Variants in SLC4A4 observed in about 807,000 individuals in gnomAD.
SLC4A4 encodes the protein electrogenic sodium bicarbonate cotransporter 1.
In SLC4A4, 27 loss-of-function variants were observed where a neutral mutation model predicts 111.5. The observed-to-expected ratio is 0.24, with a 90% confidence interval of 0.18 to 0.33. SLC4A4 has a LOEUF of 0.33. Among genes scored for constraint, SLC4A4 ranks in the 10% least tolerant of loss-of-function variants. The probability of loss-of-function intolerance (pLI) is 1.00; values close to 1 mark genes in which losing one functional copy is unlikely to be tolerated. For missense variants in SLC4A4, 909 were observed against 1,315.5 expected (o/e 0.69, Z 4.78); for synonymous variants, 443 against 463.4 (o/e 0.96, Z 0.57).
intron 2 of SLC4A4, among the ~76,000 whole-genome samples, chr4:71,111,454 G>A (rs148991475): frequency 3.3e-4 from 50 of 149,260 alleles, no homozygotes; most frequent in African/African-American, 1.2e-3. Context: ...CTCTGCCTCC[G>A]GGGTTCAAGT....
rs571176538 is a variant in SLC4A4, at chr4:71,155,551, C to T, written c.-2+62759C>T. ...CATTATAGCTCACTGCAGCCTTGAA[C>T]TCCTGGGTTCAAGCGCTTCTCCCCC... is the stretch of plus-strand genomic sequence containing the variant. On this transcript the variant is annotated intron_variant, in intron 2 of 26. Transcript: ENST00000649996. 6.6e-5 allele frequency among the ~76,000 whole-genome samples: 10 copies of T among 152,250 alleles called. No homozygotes were observed. In the East Asian group the frequency reaches 1.7e-3, roughly 26 times the overall value.
At chr4:71,500,048 G>A (rs948482985) in intron 16 of SLC4A4, among the ~76,000 whole-genome samples, 3 of 152,042 alleles carry the variant, frequency 2.0e-5, no homozygotes, top group Admixed American at 1.3e-4. Context: ...TCCCACCAAC[G>A]GTGTACAAGG....
At chr4:71,193,165 T>G (rs1455345135) in intron 1 of SLC4A4, among the ~76,000 whole-genome samples, 2 of 152,218 alleles carry the variant, frequency 1.3e-5, no homozygotes, top group African/African-American at 4.8e-5. Flanking sequence ...CATTCTTACG[T>G]ATGTCTTTTG....
intron 2 of SLC4A4, among the ~76,000 whole-genome samples, chr4:71,127,082 C>G (rs551774845): frequency 6.6e-6 from 1 of 152,184 alleles, no homozygotes; most frequent in Non-Finnish European, 1.5e-5. Flanking sequence ...CTTATTCAGA[C>G]CCCAAAAATG....
intron 3 of SLC4A4, among the ~76,000 whole-genome samples, chr4:71,279,464 A>G (rs1723328650): frequency 6.6e-6 from 1 of 152,184 alleles, no homozygotes; most frequent in South Asian, 2.1e-4. Flanking sequence ...GATATTATAT[A>G]TCTATGTATG....
rs189315489 is a variant in SLC4A4 at position 71,217,393 on chromosome 4, C to A, written c.-1-19183C>A. ...CAGCGTGGCCAACATGGTGAAACCC[C>A]GTTTCTACAAATACAAAATATTAGC... On this transcript the variant is annotated intron_variant, in intron 1 of 25. Transcript: ENST00000264485. 3.9e-5 allele frequency among the ~76,000 whole-genome samples: 6 copies of A among 151,918 alleles called. 1 individual carries two copies. The highest frequency in any genetic ancestry group is 1.4e-4 in the African/African-American group (6 of 41,428).
chr4:71,395,080 AAAAT>A (rs1397045041), intron 6 of SLC4A4, among the ~76,000 whole-genome samples: 3 of 152,162 alleles, frequency 2.0e-5, no homozygotes, highest in Admixed American at 6.5e-5. Flanking sequence ...AAAACAAAAT[AAAAT>A]AAAGAATTGC....
chr4:71,521,041 A>G (rs1732885226), intron 16 of SLC4A4, among the ~76,000 whole-genome samples: 1 of 152,044 alleles, frequency 6.6e-6, no homozygotes, highest in Admixed American at 6.6e-5. Context: ...TTTTAAAGTC[A>G]TATTTGGTGT....
intron 16 of SLC4A4, among the ~76,000 whole-genome samples, chr4:71,525,557 A>T (rs1733343326): frequency 6.6e-6 from 1 of 152,066 alleles, no homozygotes; most frequent in Non-Finnish European, 1.5e-5. Flanking sequence ...AGATTGTGAT[A>T]ATTTATATTC....
In SLC4A4 at chr4:71,505,405, AGG is replaced by A. The variant is rs140431985; in HGVS notation, c.2166+7714_2166+7715del. 6.1e-3 allele frequency among the ~76,000 whole-genome samples: 920 copies of A among 151,814 alleles called. 16 individuals carry two copies. The highest frequency in any genetic ancestry group is 0.021 in the African/African-American group (858 of 41,450). On this transcript the variant is annotated intron_variant, in intron 16 of 25. Coordinates refer to ENST00000264485, the MANE Select transcript of SLC4A4 (RefSeq NM_001098484.3). ...ATAGCCATTCTGACTGGTGTGAGAG[AGG>A]ATCTCATTGCAGTTTTGATTTGCAT...
chr4:71,147,955 G>C (rs1286120132), intron 2 of SLC4A4, among the ~76,000 whole-genome samples: 1 of 152,144 alleles, frequency 6.6e-6, no homozygotes, highest in Non-Finnish European at 1.5e-5. Context: ...TCCTGGGCCT[G>C]ACCAGTGAGC....
At chr4:71,178,617 C>A (rs920867859) in intron 2 of SLC4A4, among the ~76,000 whole-genome samples, 3 of 152,120 alleles carry the variant, frequency 2.0e-5, no homozygotes, top group South Asian at 2.1e-4. Flanking sequence ...GAAATGGATA[C>A]ATTCCTCAAC....
intron 1 of SLC4A4, among the ~76,000 whole-genome samples, chr4:71,193,098 C>T (rs771548158): frequency 6.6e-5 from 10 of 152,162 alleles, no homozygotes; most frequent in Non-Finnish European, 1.2e-4. Flanking sequence ...TCTTGATTTA[C>T]TAATTTTGTT....
At chr4:71,249,741 A>T (rs1028266740) in intron 2 of SLC4A4, among the ~76,000 whole-genome samples, 20 of 152,176 alleles carry the variant, frequency 1.3e-4, no homozygotes, top group Middle Eastern at 3.4e-3. Context: ...ATACAAAAAA[A>T]CTAGTTGGGC....
chr4:71,094,572 C>G (rs16845763), intron 2 of SLC4A4, among the ~76,000 whole-genome samples: 13,958 of 152,220 alleles, frequency 0.092, 791 homozygotes, highest in African/African-American at 0.16. Flanking sequence ...TTGTGAGTCT[C>G]AGCTGGTAGA....
At chr4:71,095,643 A>G (rs1042059015) in intron 2 of SLC4A4, among the ~76,000 whole-genome samples, 3 of 152,126 alleles carry the variant, frequency 2.0e-5, no homozygotes, top group East Asian at 3.9e-4. Context: ...TCAGTGACTG[A>G]TAAGGTCTAG....
Position 71,456,197 on chromosome 4 carries a change from G to C in SLC4A4, c.1497+2528G>C, listed in dbSNP as rs547183961. Among the ~76,000 whole-genome samples, 11 of 152,168 alleles carry C rather than the reference G, an allele frequency of 7.2e-5. No homozygotes were observed. In the East Asian group the frequency reaches 2.1e-3, roughly 29 times the overall value. On this transcript the variant is annotated intron_variant, in intron 12 of 25. Coordinates refer to ENST00000264485, the MANE Select transcript of SLC4A4 (RefSeq NM_001098484.3). Reference sequence around the variant, plus strand: ...ATTTCACTGAAACTGTGGATGGATTGTTTGAAAATACTGAAGAACATGTTT... The same window carrying C: ...ATTTCACTGAAACTGTGGATGGATTCTTTGAAAATACTGAAGAACATGTTT...
At chr4:71,199,797 C>T (rs919787402) in intron 1 of SLC4A4, among the ~76,000 whole-genome samples, 9 of 152,002 alleles carry the variant, frequency 5.9e-5, no homozygotes, top group East Asian at 1.9e-4. Flanking sequence ...ACTACAGGAG[C>T]GCACCACCAT....
chr4:71,443,413 G>T (rs1465147151), intron 8 of SLC4A4, among the ~76,000 whole-genome samples: 2 of 151,814 alleles, frequency 1.3e-5, no homozygotes, highest in Non-Finnish European at 2.9e-5. Context: ...GCCTCCCAAA[G>T]TGCTGGGATT....
Sources: gnomAD v4.1 joint callset for allele counts (sites outside exome capture counted in the v4.1 genomes callset) on GRCh38, gnomAD v4.1.1 for gene constraint, MANE v1.5 for transcripts, NCBI Gene and HGNC (gene_info 2026-07-23, HGNC 2026-07-21) for gene names.